SHISA9: variants seen among roughly 807,000 people sequenced by gnomAD.
SHISA9 encodes the protein shisa family member 9.
Under a neutral mutation model 38.0 loss-of-function variants are expected in SHISA9, and 13 were observed. The ratio of observed to expected loss-of-function variants is 0.34; its 90% CI spans 0.22 to 0.54. SHISA9 has a LOEUF of 0.54. SHISA9 is among the 20% of genes least tolerant of loss of function. SHISA9 has a pLI of 0.91. For missense variants in SHISA9, 538 were observed against 575.8 expected, an observed-to-expected ratio of 0.93 and a Z score of 0.67; for synonymous variants, 275 against 242.0, an observed-to-expected ratio of 1.14 and a Z score of -1.27.
At chr16:13,037,913 C>T (rs1255873600) in intron 2 of SHISA9, among the ~76,000 whole-genome samples, 1 of 152,186 alleles carries the variant, frequency 6.6e-6, no homozygotes, top group Non-Finnish European at 1.5e-5. Context: ...TTTTGTCCAA[C>T]CTTGATCCTA....
chr16:13,044,725 G>A (rs984205621), intron 2 of SHISA9, among the ~76,000 whole-genome samples: 29 of 152,108 alleles, frequency 1.9e-4, no homozygotes, highest in African/African-American at 6.5e-4. Context: ...GTTGCTCAGG[G>A]GATTAAACGG....
the SHISA9 span, among the ~76,000 whole-genome samples, chr16:13,411,866 G>A: frequency 2.6e-5 from 4 of 152,282 alleles, no homozygotes; most frequent in African/African-American, 9.6e-5. Context: ...ACCAGAAAGA[G>A]GAAGAAAATT....
At chr16:13,077,374 A>G (rs1015853561) in intron 2 of SHISA9, among the ~76,000 whole-genome samples, 1 of 152,018 alleles carries the variant, frequency 6.6e-6, no homozygotes, top group Non-Finnish European at 1.5e-5. Flanking sequence ...CCTCATATTG[A>G]AGCACAAACC....
chr16:12,932,501 C>G (rs527552891), intron 2 of SHISA9, among the ~76,000 whole-genome samples: 2 of 152,148 alleles, frequency 1.3e-5, no homozygotes, highest in South Asian at 4.2e-4. Flanking sequence ...GCCACCATGC[C>G]TCGCTAATTT....
chr16:13,364,493 A>G, the SHISA9 span, among the ~76,000 whole-genome samples: 1 of 152,234 alleles, frequency 6.6e-6, no homozygotes, highest in Non-Finnish European at 1.5e-5. Context: ...GGTTCTTTTC[A>G]CCCAAATATA....
chr16:13,527,987 G>T, the SHISA9 span, among the ~76,000 whole-genome samples: 7 of 152,238 alleles, frequency 4.6e-5, no homozygotes, highest in South Asian at 1.2e-3. Context: ...TGTCATCTTG[G>T]ATAGTTATTT....
At chr16:13,326,720 C>CA in the SHISA9 span, among the ~76,000 whole-genome samples, 1 of 150,932 alleles carries the variant, frequency 6.6e-6, no homozygotes, top group Non-Finnish European at 1.5e-5. Context: ...GGCGCCTTCT[C>CA]AGAAAAAGAA....
chr16:13,499,345 G>C, the SHISA9 span, among the ~76,000 whole-genome samples: 5 of 152,200 alleles, frequency 3.3e-5, no homozygotes, highest in Non-Finnish European at 5.9e-5. Context: ...TTACCTATAG[G>C]GTGGAATAGT....
intron 2 of SHISA9, among the ~76,000 whole-genome samples, chr16:13,050,264 GA>G (rs1172910068): frequency 4.6e-5 from 7 of 151,976 alleles, no homozygotes; most frequent in Admixed American, 4.6e-4. Flanking sequence ...TTAATCTCTG[GA>G]TGAAGATATT....
chr16:13,019,768 C>CTTTT (rs1479018871), intron 2 of SHISA9, among the ~76,000 whole-genome samples: 1 of 31,636 alleles, frequency 3.2e-5, no homozygotes, highest in African/African-American at 1.6e-4. Context: ...TCTTTCTTTT[C>CTTTT]TTTCTTTCTT....
chr16:13,105,573 C>T (rs1000874428), intron 2 of SHISA9, among the ~76,000 whole-genome samples: 7 of 152,254 alleles, frequency 4.6e-5, no homozygotes, highest in South Asian at 4.1e-4. Context: ...GGGGAGACTC[C>T]GGAGGAGGGA....
At chr16:13,260,124 C>A in the SHISA9 span, among the ~76,000 whole-genome samples, 1 of 138,640 alleles carries the variant, frequency 7.2e-6, no homozygotes, top group Admixed American at 7.9e-5. Flanking sequence ...TCATGCCATT[C>A]TCCTGCCTCA....
At chr16:13,245,752 A>G in the SHISA9 span, among the ~76,000 whole-genome samples, 1 of 152,154 alleles carries the variant, frequency 6.6e-6, no homozygotes. Flanking sequence ...ATTTTTTAAA[A>G]CTGATAGTAT....
intron 2 of SHISA9, among the ~76,000 whole-genome samples, chr16:13,167,056 T>C (rs1294646018): frequency 5.9e-5 from 8 of 134,488 alleles, no homozygotes; most frequent in African/African-American, 2.0e-4. Flanking sequence ...ACTTCTTCTC[T>C]CTCTCTCTCT....
intron 4 of SHISA9, among the ~76,000 whole-genome samples, chr16:13,230,055 G>T (rs867570033): frequency 6.6e-6 from 1 of 152,142 alleles, no homozygotes; most frequent in South Asian, 2.1e-4. Flanking sequence ...AGGCCCCTTT[G>T]TGTGCCCTTT....
chr16:13,033,687 T>G (rs1241508484), intron 2 of SHISA9, among the ~76,000 whole-genome samples: 1 of 152,180 alleles, frequency 6.6e-6, no homozygotes, highest in Non-Finnish European at 1.5e-5. Context: ...GTCCTTGGGT[T>G]GGGAGACCAA....
At chr16:13,419,824 G>A in the SHISA9 span, among the ~76,000 whole-genome samples, 1 of 152,164 alleles carries the variant, frequency 6.6e-6, no homozygotes, top group African/African-American at 2.4e-5. Flanking sequence ...AAAGCCAGGT[G>A]GCAGGCTGGA....
At chr16:13,014,908 T>G (rs1438810120) in intron 2 of SHISA9, among the ~76,000 whole-genome samples, 1 of 152,262 alleles carries the variant, frequency 6.6e-6, no homozygotes, top group Admixed American at 6.5e-5. Context: ...TTTGGCATGT[T>G]CGGATACTGC....
the SHISA9 span, among the ~76,000 whole-genome samples, chr16:13,249,161 A>C: frequency 6.6e-6 from 1 of 152,220 alleles, no homozygotes; most frequent in Non-Finnish European, 1.5e-5. Flanking sequence ...TGTTGGTTAT[A>C]CTTCACTTTT....
Sources: gnomAD v4.1 joint callset for allele counts (sites outside exome capture counted in the v4.1 genomes callset) on GRCh38, gnomAD v4.1.1 for gene constraint, MANE v1.5 for transcripts, NCBI Gene and HGNC (gene_info 2026-07-23, HGNC 2026-07-21) for gene names.